Variants in CNOT6L observed in about 807,000 individuals in gnomAD.
The protein encoded by CNOT6L is CCR4-NOT transcription complex subunit 6 like.
A neutral mutation model predicts 64.0 loss-of-function variants in CNOT6L; 7 were observed. The ratio of observed to expected loss-of-function variants is 0.11; its 90% CI spans 0.06 to 0.21. The LOEUF (loss-of-function observed/expected upper bound fraction) is 0.21, where lower values mean the gene tolerates loss of function less well. Ranked by LOEUF, CNOT6L falls within the 10% of genes least tolerant of loss-of-function variation. The pLI, the probability that CNOT6L is intolerant of heterozygous loss-of-function variation, is 1.00. For synonymous variants in CNOT6L, 193 were observed against 243.4 expected, an observed-to-expected ratio of 0.79 and a Z score of 1.93; for missense variants, 245 against 669.0, an observed-to-expected ratio of 0.37 and a Z score of 6.99.
At position 77,786,999 on chromosome 4, in the gene CNOT6L, C is replaced by T. The variant is rs113988922; in HGVS notation, c.6-10607G>A. On this transcript the variant is annotated intron_variant, in intron 1 of 11. Coordinates refer to ENST00000504123, the MANE Select transcript of CNOT6L (RefSeq NM_144571.3). Reference sequence around the variant, plus strand: ...TAATAAATGAGGCCGGGCGCAGTGGCTCACGCCTGTAATCCCAGCACTTTG... The same window carrying T: ...TAATAAATGAGGCCGGGCGCAGTGGTTCACGCCTGTAATCCCAGCACTTTG... Among the ~76,000 whole-genome samples, 89 of 152,204 alleles carry T rather than the reference C, an allele frequency of 5.8e-4. 1 individual carries two copies. Among genetic ancestry groups the T allele is most frequent in the African/African-American group, 2.0e-3 (85 of 41,546 alleles).
chr4:77,722,088 G>A (rs1721342536), intron 11 of CNOT6L, among the ~76,000 whole-genome samples: 1 of 151,968 alleles, frequency 6.6e-6, no homozygotes, highest in African/African-American at 2.4e-5. Context: ...AAAAATGATA[G>A]GATCATAAGG....
intron 2 of CNOT6L, among the ~76,000 whole-genome samples, chr4:77,775,676 C>G (rs1379566622): frequency 1.3e-5 from 2 of 152,144 alleles, no homozygotes; most frequent in Admixed American, 6.6e-5. Flanking sequence ...GTTACCTCTC[C>G]TCAGTCTCCT....
At chr4:77,804,592 T>C (rs528784581) in intron 1 of CNOT6L, among the ~76,000 whole-genome samples, 1 of 152,206 alleles carries the variant, frequency 6.6e-6, no homozygotes, top group East Asian at 1.9e-4. Context: ...AGACCAGAAA[T>C]TGTCAATGGA....
chr4:77,731,064 G>A (rs1404541657), intron 9 of CNOT6L, among the ~76,000 whole-genome samples: 1 of 151,812 alleles, frequency 6.6e-6, no homozygotes. Flanking sequence ...TCAAAAAGAG[G>A]GCCAAGTCAT....
In CNOT6L at chr4:77,714,228, C is replaced by A. The variant is rs1296473; in HGVS notation, c.*6203G>T. On this transcript the variant is annotated 3_prime_UTR_variant, in exon 12 of 12. Transcript: ENST00000504123. ...TCAAATGTATGCAAAATAATGAATT[C>A]TTTAACTTAATGCCAGGTAATGAAA... The A allele has an allele frequency of 2.6e-5, 4 of 152,356 alleles. No individual in the cohort carries two copies. The highest frequency in any genetic ancestry group is 4.8e-5 in the African/African-American group (2 of 41,370). The allele number at this position is 152,356 out of a possible 1,614,324, so 9.4% of individuals were successfully genotyped here.
chr4:77,776,013 T>C (rs1489658032), intron 2 of CNOT6L, among the ~76,000 whole-genome samples: 10 of 152,188 alleles, frequency 6.6e-5, no homozygotes, highest in Admixed American at 6.5e-4. Flanking sequence ...AAATCTATTA[T>C]ATCAAAGAAA....
intron 1 of CNOT6L, 66 bp downstream of exon 1, chr4:77,819,238 T>A (rs748282487): frequency 1.9e-6 from 3 of 1,611,878 alleles, no homozygotes; most frequent in Non-Finnish European, 2.5e-6. Flanking sequence ...CCCACCTCAT[T>A]TCCCCGGGGA....
intron 4 of CNOT6L, among the ~76,000 whole-genome samples, chr4:77,772,388 G>A (rs889687840): frequency 2.2e-4 from 34 of 151,820 alleles, no homozygotes; most frequent in Admixed American, 1.6e-3. Context: ...CACCACACAC[G>A]GCTAATTTTG....
At position 77,715,590 on chromosome 4, in the gene CNOT6L, G is replaced by A. The variant is rs1720657583; in HGVS notation, c.*4841C>T. 1 of 152,236 alleles carries A rather than the reference G, an allele frequency of 6.6e-6. No individual in the cohort carries two copies. The highest frequency in any genetic ancestry group is 2.4e-5 in the African/African-American group (1 of 41,514). 9.4% of individuals were successfully genotyped at this position (152,236 alleles called of 1,614,324 possible). On this transcript the variant is annotated 3_prime_UTR_variant, in exon 12 of 12. Transcript: ENST00000504123. ...TTTCCTGGTTATCACCCTATTTCCT[G>A]GTGTAGGACCTGGGGTTTAATAGAG...
Position 77,748,384 on chromosome 4 carries a change from A to C in CNOT6L, c.491T>G (p.Val164Gly), listed in dbSNP as rs1195432689. Residue 164 changes from valine (V) to glycine (G), a missense_variant and splice_region_variant, in exon 6 of 12, where the codon GTT (valine) becomes GGT (glycine). Transcript: ENST00000504123. Reference protein sequence around the residue: ...LLNFMLDNLAVHPEQLPPRPW... With the variant: ...LLNFMLDNLAGHPEQLPPRPW... ...CCTCGGAGGAAGCTGCTCTGGATGAACTGAAAAAAATTTTGTAAATATAGG... is the reference window on the plus strand; with the variant it reads ...CCTCGGAGGAAGCTGCTCTGGATGACCTGAAAAAAATTTTGTAAATATAGG... 1 of 1,609,302 alleles carries C rather than the reference A, an allele frequency of 6.2e-7. No individual in the cohort carries two copies. Among genetic ancestry groups the C allele is most frequent in the Non-Finnish European group, 8.5e-7 (1 of 1,176,476 alleles).
intron 1 of CNOT6L, among the ~76,000 whole-genome samples, chr4:77,792,090 C>T (rs1284989662): frequency 6.6e-6 from 1 of 152,070 alleles, no homozygotes; most frequent in African/African-American, 2.4e-5. Context: ...AGATTATCCC[C>T]AAGCAGTAAC....
intron 5 of CNOT6L, among the ~76,000 whole-genome samples, chr4:77,752,974 T>C (rs1367415222): frequency 3.3e-5 from 5 of 151,526 alleles, no homozygotes; most frequent in African/African-American, 1.2e-4. Flanking sequence ...TAAATTAATA[T>C]CTGAAATGGA....
intron 4 of CNOT6L, among the ~76,000 whole-genome samples, chr4:77,764,046 A>G (rs2110025166): frequency 6.6e-6 from 1 of 152,354 alleles, no homozygotes; most frequent in South Asian, 2.1e-4. Flanking sequence ...AATCCAGTAT[A>G]GGTACACATT....
intron 8 of CNOT6L, among the ~76,000 whole-genome samples, chr4:77,733,838 A>T (rs1436811553): frequency 1.3e-5 from 2 of 152,076 alleles, no homozygotes; most frequent in Non-Finnish European, 2.9e-5. Flanking sequence ...CTGACAATAG[A>T]TGTCAATGCT....
At position 77,715,195 on chromosome 4, in the gene CNOT6L, C is replaced by A. The variant is rs1720619679; in HGVS notation, c.*5236G>T. 6.6e-6 allele frequency: 1 copy of A among 152,046 alleles called. No homozygotes were observed. Among genetic ancestry groups the A allele is most frequent in the African/African-American group, 2.4e-5 (1 of 41,420 alleles). 9.4% of individuals were successfully genotyped at this position (152,046 alleles called of 1,614,324 possible). On this transcript the variant is annotated 3_prime_UTR_variant, in exon 12 of 12. Transcript: ENST00000504123. The stretch of plus-strand genomic sequence containing the variant: ...ACTAGTACTAGGCACCAAACTAGAG[C>A]CTCCGAAAGATTCTGAAAGCTGAAT...
At chr4:77,728,542 AT>A (rs1464692092) in intron 10 of CNOT6L, among the ~76,000 whole-genome samples, 1 of 152,076 alleles carries the variant, frequency 6.6e-6, no homozygotes, top group East Asian at 1.9e-4. Flanking sequence ...CTACAACTGT[AT>A]TTTTTCCAAG....
chr4:77,778,595 G>A (rs887810025), intron 1 of CNOT6L, among the ~76,000 whole-genome samples: 11 of 151,782 alleles, frequency 7.2e-5, no homozygotes, highest in Admixed American at 7.2e-4. Context: ...TAGTAGAGAT[G>A]GGGGTTTCAC....
chr4:77,798,102 A>C (rs1297706971), intron 1 of CNOT6L, among the ~76,000 whole-genome samples: 1 of 152,028 alleles, frequency 6.6e-6, no homozygotes, highest in Non-Finnish European at 1.5e-5. Flanking sequence ...AAGGAAGGAG[A>C]AGCACTTGAG....
At chr4:77,803,209 C>CA (rs1249417852) in intron 1 of CNOT6L, among the ~76,000 whole-genome samples, 4 of 147,552 alleles carry the variant, frequency 2.7e-5, no homozygotes, top group African/African-American at 5.0e-5. Flanking sequence ...ATGCAGTGGC[C>CA]AAAAAAAATG....
Sources: gnomAD v4.1 joint callset for allele counts (sites outside exome capture counted in the v4.1 genomes callset) on GRCh38, gnomAD v4.1.1 for gene constraint, MANE v1.5 for transcripts, NCBI Gene and HGNC (gene_info 2026-07-23, HGNC 2026-07-21) for gene names.